Variants in C7orf33 observed in about 807,000 individuals in gnomAD.
C7orf33 encodes the protein uncharacterized protein C7orf33.
Under a neutral mutation model 13.4 loss-of-function variants are expected in C7orf33, and 15 were observed. The ratio of observed to expected loss-of-function variants is 1.12; its 90% CI spans 0.75 to 1.72. The LOEUF (loss-of-function observed/expected upper bound fraction) is 1.72. Among genes scored for constraint, C7orf33 ranks in the 40% most tolerant of loss-of-function variants. The pLI, the probability that C7orf33 is intolerant of heterozygous loss-of-function variation, is 0.00. For synonymous variants in C7orf33, 73 were observed against 83.2 expected, an observed-to-expected ratio of 0.88 and a Z score of 0.67; for missense variants, 187 against 220.3, an observed-to-expected ratio of 0.85 and a Z score of 0.96.
chr7:148,591,273 A>G, intron 1 of C7orf33, 144 bp downstream of exon 1: 1 of 729,536 alleles, frequency 1.4e-6, no homozygotes, highest in African/African-American at 1.8e-5. Context: ...GTAAAGAGAG[A>G]GACAGAGATT....
chr7:148,605,489 C>T (rs1796462386), intron 1 of C7orf33, among the ~76,000 whole-genome samples: 1 of 152,202 alleles, frequency 6.6e-6, no homozygotes, highest in Non-Finnish European at 1.5e-5. Context: ...GGATGAGTTT[C>T]CTCCTGTCTG....
At chr7:148,613,199 T>G (rs1796564716) in intron 1 of C7orf33, among the ~76,000 whole-genome samples, 1 of 152,210 alleles carries the variant, frequency 6.6e-6, no homozygotes. Context: ...TCTATTTCCA[T>G]GGGCTCAAGT....
chr7:148,601,555 C>T (rs1397250383), intron 1 of C7orf33, among the ~76,000 whole-genome samples: 1 of 152,100 alleles, frequency 6.6e-6, no homozygotes, highest in Non-Finnish European at 1.5e-5. Context: ...CCATGTTGCT[C>T]ATGCTGGTCT....
At chr7:148,608,164 T>C (rs1041128001) in intron 1 of C7orf33, among the ~76,000 whole-genome samples, 1 of 152,210 alleles carries the variant, frequency 6.6e-6, no homozygotes, top group African/African-American at 2.4e-5. Flanking sequence ...TGCTGTGGCT[T>C]ACGCCTGTAT....
chr7:148,614,396 T>C, intron 2 of C7orf33, 100 bp downstream of exon 2: 11 of 1,286,386 alleles, frequency 8.6e-6, no homozygotes, highest in Non-Finnish European at 1.2e-5. Flanking sequence ...GTTGCATTCT[T>C]GCATGCCTGG....
At chr7:148,602,524 G>A (rs1043935904) in intron 1 of C7orf33, among the ~76,000 whole-genome samples, 1 of 152,138 alleles carries the variant, frequency 6.6e-6, no homozygotes, top group Non-Finnish European at 1.5e-5. Context: ...CTTGAACCCA[G>A]GAGGTGGAGG....
At chr7:148,608,624 G>A (rs1796501390) in intron 1 of C7orf33, among the ~76,000 whole-genome samples, 8 of 151,760 alleles carry the variant, frequency 5.3e-5, no homozygotes, top group Admixed American at 5.3e-4. Context: ...AGACCATCCT[G>A]GCCAACATGG....
intron 1 of C7orf33, among the ~76,000 whole-genome samples, chr7:148,600,218 C>G (rs1386175228): frequency 2.0e-5 from 3 of 152,168 alleles, no homozygotes; most frequent in Non-Finnish European, 4.4e-5. Context: ...CCTGTAATCC[C>G]AGCAATTTGG....
intron 1 of C7orf33, among the ~76,000 whole-genome samples, chr7:148,598,751 TATATATATATATAGAGAG>T (rs1388949182): frequency 1.3e-3 from 86 of 68,528 alleles, no homozygotes; most frequent in Non-Finnish European, 1.5e-3. Context: ...TATATATATA[TATATATATATATAGAGAG>T]AGAGAGAGAG....
intron 1 of C7orf33, among the ~76,000 whole-genome samples, chr7:148,609,857 C>T (rs11971205): frequency 0.42 from 63,547 of 151,990 alleles, 15,023 homozygotes; most frequent in East Asian, 0.57. Context: ...GCTGAGTGGG[C>T]TACCAACAGT....
At chr7:148,591,960 A>G (rs1796276291) in intron 1 of C7orf33, among the ~76,000 whole-genome samples, 1 of 152,128 alleles carries the variant, frequency 6.6e-6, no homozygotes, top group Non-Finnish European at 1.5e-5. Context: ...TGGTTAAAGT[A>G]TGAGCTCCCA....
intron 1 of C7orf33, among the ~76,000 whole-genome samples, chr7:148,596,379 T>C (rs570824919): frequency 7.9e-5 from 12 of 152,300 alleles, no homozygotes; most frequent in African/African-American, 2.6e-4. Context: ...TCTGTTACAG[T>C]CTCATTCACT....
chr7:148,595,534 T>C (rs757134557), intron 1 of C7orf33, among the ~76,000 whole-genome samples: 29 of 130,980 alleles, frequency 2.2e-4, no homozygotes, highest in African/African-American at 8.2e-4. Context: ...ATATATAATA[T>C]AGATCTGTAT....
intron 1 of C7orf33, among the ~76,000 whole-genome samples, chr7:148,599,156 C>T (rs1470454610): frequency 6.6e-6 from 1 of 152,026 alleles, no homozygotes; most frequent in Non-Finnish European, 1.5e-5. Flanking sequence ...AGCCACTGCC[C>T]CTGGCCAGGA....
At chr7:148,603,488 A>C (rs1431563710) in intron 1 of C7orf33, among the ~76,000 whole-genome samples, 1 of 152,194 alleles carries the variant, frequency 6.6e-6, no homozygotes, top group Non-Finnish European at 1.5e-5. Flanking sequence ...CCTGGGCAAC[A>C]GAGCGAGACT....
At chr7:148,609,809 G>C (rs1446911732) in intron 1 of C7orf33, among the ~76,000 whole-genome samples, 1 of 152,158 alleles carries the variant, frequency 6.6e-6, no homozygotes, top group Non-Finnish European at 1.5e-5. Context: ...TGGAGGGTTG[G>C]AAAAAGTCAG....
At chr7:148,607,745 A>AT (rs1317639443) in intron 1 of C7orf33, among the ~76,000 whole-genome samples, 2 of 152,130 alleles carry the variant, frequency 1.3e-5, no homozygotes, top group Admixed American at 6.5e-5. Flanking sequence ...CAACAAACGT[A>AT]TTTTTTGTCT....
At position 148,614,296 on chromosome 7, in the gene C7orf33, C is replaced by T. The variant is rs768863009; in HGVS notation, c.459C>T (p.Asn153=). 1.4e-5 allele frequency: 23 copies of T among 1,613,530 alleles called. No homozygotes were observed. Among genetic ancestry groups the T allele is most frequent in the Admixed American group, 6.7e-5 (4 of 59,994 alleles). The change falls in exon 2 of 3, where the codon AAC becomes AAT. Residue 153 remains asparagine (N), a splice_region_variant and synonymous_variant. Coordinates refer to ENST00000307003, the MANE Select transcript of C7orf33 (RefSeq NM_145304.4). The part of the protein sequence containing the change: ...PGRTVTSSYL[N]VRGHEVRKLQ... ...GGACAGTGACAAGTTCATACCTAAACGTAAGCTCCGAAGTGTCTTAGCACC... is the reference window on the plus strand; with the variant it reads ...GGACAGTGACAAGTTCATACCTAAATGTAAGCTCCGAAGTGTCTTAGCACC...
chr7:148,593,730 G>A (rs1181690887), intron 1 of C7orf33, among the ~76,000 whole-genome samples: 1 of 152,160 alleles, frequency 6.6e-6, no homozygotes, highest in Admixed American at 6.5e-5. Flanking sequence ...GATACAGCCT[G>A]TTTGGAGGGG....
Sources: allele counts gnomAD v4.1 joint callset (sites outside exome capture counted in the v4.1 genomes callset), GRCh38; gene constraint gnomAD v4.1.1; transcripts MANE v1.5; gene names NCBI Gene and HGNC (gene_info 2026-07-23, HGNC 2026-07-21).